Variants in KCNH1 observed in about 807,000 individuals in gnomAD.
The protein encoded by KCNH1 is voltage-gated delayed rectifier potassium channel KCNH1.
KCNH1 carries 27 observed loss-of-function variants against 69.2 expected under a neutral mutation model. The ratio of observed to expected loss-of-function variants is 0.39; its 90% CI spans 0.29 to 0.54. KCNH1 has a LOEUF of 0.54. KCNH1 is among the 20% of genes least tolerant of loss of function. The pLI, the probability that KCNH1 is intolerant of heterozygous loss-of-function variation, is 0.68. For synonymous variants in KCNH1, 456 were observed against 487.7 expected, an observed-to-expected ratio of 0.93 and a Z score of 0.86; for missense variants, 798 against 1,261.6, an observed-to-expected ratio of 0.63 and a Z score of 5.57.
chr1:210,991,641 T>C (rs932360427), intron 6 of KCNH1, among the ~76,000 whole-genome samples: 4 of 145,348 alleles, frequency 2.8e-5, no homozygotes, highest in Non-Finnish European at 6.0e-5. Context: ...ACATAACACA[T>C]ACACACATAC....
At chr1:210,847,510 C>T (rs1685583522) in intron 7 of KCNH1, among the ~76,000 whole-genome samples, 1 of 147,738 alleles carries the variant, frequency 6.8e-6, no homozygotes, top group African/African-American at 2.5e-5. Flanking sequence ...TGTTCTCACT[C>T]ATAGGTGGGA....
At chr1:210,707,574 G>A (rs2149014611) in intron 10 of KCNH1, among the ~76,000 whole-genome samples, 2 of 152,306 alleles carry the variant, frequency 1.3e-5, no homozygotes, top group South Asian at 4.1e-4. Context: ...GAGCTTAGGT[G>A]TAAGTAAGTG....
chr1:210,686,772 C>A (rs1211568575), intron 10 of KCNH1, among the ~76,000 whole-genome samples: 1 of 152,176 alleles, frequency 6.6e-6, no homozygotes, highest in African/African-American at 2.4e-5. Flanking sequence ...TTCCTGAACA[C>A]AAACATATCT....
intron 3 of KCNH1, among the ~76,000 whole-genome samples, chr1:211,102,581 C>T (rs1463922839): frequency 2.6e-5 from 4 of 152,106 alleles, no homozygotes; most frequent in Non-Finnish European, 4.4e-5. Flanking sequence ...GACCACCAAG[C>T]GAACAGTAAT....
intron 5 of KCNH1, among the ~76,000 whole-genome samples, chr1:211,044,598 T>C (rs12142472): frequency 0.74 from 111,707 of 151,960 alleles, 41,518 homozygotes; most frequent in South Asian, 0.83. Context: ...AAGTGGGCTA[T>C]GGACATGAAT....
At chr1:210,847,744 T>A (rs1273866172) in intron 7 of KCNH1, among the ~76,000 whole-genome samples, 2 of 150,478 alleles carry the variant, frequency 1.3e-5, no homozygotes, top group Admixed American at 6.6e-5. Flanking sequence ...AATAAAATTT[T>A]AAAAAATAAA....
At chr1:211,094,204 T>C (rs1691105029) in intron 3 of KCNH1, among the ~76,000 whole-genome samples, 1 of 152,144 alleles carries the variant, frequency 6.6e-6, no homozygotes, top group South Asian at 2.1e-4. Flanking sequence ...TAGATTCTCA[T>C]AAGGAGCAGG....
intron 6 of KCNH1, among the ~76,000 whole-genome samples, chr1:211,018,113 T>C (rs1010457609): frequency 6.6e-6 from 1 of 152,108 alleles, no homozygotes; most frequent in Admixed American, 6.5e-5. Flanking sequence ...CCTTCCACCA[T>C]GAGTGACCTG....
intron 7 of KCNH1, chr1:210,858,960 A>AT (rs1685915375): frequency 2.2e-6 from 1 of 447,044 alleles, no homozygotes; most frequent in African/African-American, 2.0e-5. Flanking sequence ...GGTACCTCCA[A>AT]TCCCCCCCAC....
intron 5 of KCNH1, among the ~76,000 whole-genome samples, chr1:211,031,793 T>C (rs370441239): frequency 1.2e-4 from 18 of 152,196 alleles, no homozygotes; most frequent in Admixed American, 3.3e-4. Flanking sequence ...GACAAACCCA[T>C]AGCCAATATC....
intron 6 of KCNH1, among the ~76,000 whole-genome samples, chr1:210,989,848 G>T (rs537093353): frequency 1.3e-5 from 2 of 152,180 alleles, no homozygotes; most frequent in South Asian, 4.1e-4. Flanking sequence ...ATTACTGTTT[G>T]ATTTTTATTT....
intron 7 of KCNH1, among the ~76,000 whole-genome samples, chr1:210,870,478 C>T (rs948521586): frequency 1.3e-5 from 2 of 152,156 alleles, no homozygotes; most frequent in African/African-American, 2.4e-5. Context: ...CTTTTTTCCC[C>T]TACTGTGAGC....
At chr1:211,041,975 G>C (rs1295346945) in intron 5 of KCNH1, among the ~76,000 whole-genome samples, 1 of 152,042 alleles carries the variant, frequency 6.6e-6, no homozygotes, top group Non-Finnish European at 1.5e-5. Context: ...GGCTGGTCTG[G>C]AACTCCTGAC....
intron 5 of KCNH1, among the ~76,000 whole-genome samples, chr1:211,036,308 G>A (rs1412659706): frequency 3.3e-5 from 5 of 152,180 alleles, no homozygotes; most frequent in Non-Finnish European, 5.9e-5. Context: ...TCAGCTCCTT[G>A]ATACTATCTG....
At chr1:210,700,589 A>T (rs1016196885) in intron 10 of KCNH1, among the ~76,000 whole-genome samples, 1 of 152,160 alleles carries the variant, frequency 6.6e-6, no homozygotes, top group Non-Finnish European at 1.5e-5. Flanking sequence ...ATTTGTTGCT[A>T]TTTACATCTG....
intron 9 of KCNH1, among the ~76,000 whole-genome samples, chr1:210,781,075 C>G (rs1219785348): frequency 6.6e-6 from 1 of 152,084 alleles, no homozygotes; most frequent in Non-Finnish European, 1.5e-5. Context: ...AACTGAAAAG[C>G]CACGTAAGCC....
At chr1:210,740,732 T>TTTTTTTTA in intron 10 of KCNH1, among the ~76,000 whole-genome samples, 1 of 131,860 alleles carries the variant, frequency 7.6e-6, no homozygotes, top group Non-Finnish European at 1.6e-5. Context: ...TTTTTTTTTT[T>TTTTTTTTA]ACTAAAAGAA....
chr1:210,862,368 A>G, intron 7 of KCNH1: 1 of 648,818 alleles, frequency 1.5e-6, no homozygotes, highest in South Asian at 1.6e-5. Flanking sequence ...GACCTGCCGC[A>G]GCGGCAACTG....
chr1:210,752,431 G>T (rs1466817068), intron 10 of KCNH1, among the ~76,000 whole-genome samples: 1 of 152,162 alleles, frequency 6.6e-6, no homozygotes, highest in Admixed American at 6.5e-5. Flanking sequence ...AGTTCCACTG[G>T]TTTCTATGTA....
Sources: allele counts gnomAD v4.1 joint callset (sites outside exome capture counted in the v4.1 genomes callset), GRCh38; gene constraint gnomAD v4.1.1; transcripts MANE v1.5; gene names NCBI Gene and HGNC (gene_info 2026-07-23, HGNC 2026-07-21).